The following LARGE1 variants were observed in gnomAD, a reference collection of about 807,000 sequenced individuals.
The protein encoded by LARGE1 is xylosyl- and glucuronyltransferase LARGE1.
Under a neutral mutation model 87.6 loss-of-function variants are expected in LARGE1, and 43 were observed. The observed-to-expected ratio is 0.49, with a 90% confidence interval of 0.38 to 0.63. The LOEUF (loss-of-function observed/expected upper bound fraction) is 0.63, where lower values mean the gene tolerates loss of function less well. LARGE1 is among the 30% of genes least tolerant of loss of function. The probability of loss-of-function intolerance (pLI) is 0.00; values close to 1 mark genes in which losing one functional copy is unlikely to be tolerated. For missense variants in LARGE1, 802 were observed against 1,000.2 expected (o/e 0.80, Z 2.67); for synonymous variants, 434 against 394.6 (o/e 1.10, Z -1.18).
chr22:33,224,059 C>A lies in LARGE1; in HGVS notation c.1731-57227G>T, dbSNP rs538859187. Among the ~76,000 whole-genome samples, 8 of 152,154 alleles carry A rather than the reference C, an allele frequency of 5.3e-5. No individual in the cohort carries two copies. The South Asian group carries it at 6.2e-4, about 12-fold the overall frequency. ...TTGTAATCCCAGAACTTTGGGAGGCCGAGACTGGCAGATCAGGAGATCGAG... is the reference window on the plus strand; with the variant it reads ...TTGTAATCCCAGAACTTTGGGAGGCAGAGACTGGCAGATCAGGAGATCGAG... On this transcript the variant is annotated intron_variant, in intron 11 of 11. Coordinates refer to the LARGE1 transcript ENST00000608642.
At position 33,283,224 on chromosome 22, in the gene LARGE1, T is replaced by C. The variant is rs1432410279; in HGVS notation, c.1855A>G (p.Met619Val). Residue 619 changes from methionine (M) to valine (V), a missense_variant, in exon 13 of 15, where the codon ATG becomes GTG. Around this residue, in one of 2 missense-constraint regions of LARGE1, gnomAD observed 625 missense variants for 841.9 expected, o/e 0.74. Transcript: ENST00000397394. ...CACCTGAATGTGAAGAGGGTCCCCA[T>C]GTCCAGCATTGACAGCAACTCCGCT... ...SKAELLSMLD[M>V]GTLFTFRYHV... 6.2e-7 allele frequency: 1 copy of C among 1,614,062 alleles called. No individual in the cohort carries two copies. The highest frequency in any genetic ancestry group is 8.5e-7 in the Non-Finnish European group (1 of 1,180,034).
chr22:33,345,622 C>T (rs144029450), intron 9 of LARGE1, among the ~76,000 whole-genome samples: 85 of 152,238 alleles, frequency 5.6e-4, no homozygotes, highest in African/African-American at 1.8e-3. Flanking sequence ...GTATATGTGC[C>T]GACTTGGAGT....
intron 1 of LARGE1, among the ~76,000 whole-genome samples, chr22:33,817,670 G>C (rs1780429701): frequency 6.6e-6 from 1 of 152,064 alleles, no homozygotes; most frequent in Non-Finnish European, 1.5e-5. Flanking sequence ...TGAAGTTGGG[G>C]GCAGGGAAAC....
the LARGE1 span, among the ~76,000 whole-genome samples, chr22:33,094,133 T>A: frequency 6.6e-6 from 1 of 152,156 alleles, no homozygotes; most frequent in Non-Finnish European, 1.5e-5. Context: ...GAAATCATTT[T>A]CTGAGCCCAA....
Position 33,325,589 on chromosome 22 carries a change from T to A in LARGE1, c.1288-9341A>T, listed in dbSNP as rs536429993. ...CAAGGTTCCAGCAGGTTGAGCCACATTACAGCTGCTTGTGCTACCTTGACT... is the reference window on the plus strand; with the variant it reads ...CAAGGTTCCAGCAGGTTGAGCCACAATACAGCTGCTTGTGCTACCTTGACT... On this transcript the variant is annotated intron_variant, in intron 10 of 14. Transcript: ENST00000397394. Among the ~76,000 whole-genome samples the A allele has an allele frequency of 2.0e-5, 3 of 152,324 alleles. No homozygotes were observed. The South Asian group carries it at 6.2e-4, about 32-fold the overall frequency.
chr22:33,183,608 A>G (rs1268568539), intron 11 of LARGE1, among the ~76,000 whole-genome samples: 1 of 90,126 alleles, frequency 1.1e-5, no homozygotes, highest in South Asian at 3.1e-4. Context: ...TAAAACACAC[A>G]CACACACACA....
intron 11 of LARGE1, among the ~76,000 whole-genome samples, chr22:33,243,823 A>G (rs1003096574): frequency 1.3e-5 from 2 of 152,154 alleles, no homozygotes; most frequent in Non-Finnish European, 2.9e-5. Context: ...TTTTATTCTG[A>G]AAGTAGTAAA....
At position 33,887,783 on chromosome 22, in the gene LARGE1, A is replaced by C. The variant is rs1281433435; in HGVS notation, c.-83+32212T>G. Among the ~76,000 whole-genome samples the C allele has an allele frequency of 2.6e-5, 4 of 152,260 alleles. No individual in the cohort carries two copies. The East Asian group carries it at 5.8e-4, about 22-fold the overall frequency. ...ACCCAGTTGATGGTATTTTTACTTC[A>C]GCAGTCTGAACAGACTAGGACAAGG... On this transcript the variant is annotated intron_variant, in intron 1 of 14. Transcript: ENST00000397394.
At chr22:33,652,621 C>T (rs1381794115) in intron 2 of LARGE1, among the ~76,000 whole-genome samples, 1 of 152,110 alleles carries the variant, frequency 6.6e-6, no homozygotes, top group Non-Finnish European at 1.5e-5. Context: ...GTCAAAAAAA[C>T]ATTCCTCTTT....
intron 1 of LARGE1, among the ~76,000 whole-genome samples, chr22:33,882,746 T>A (rs1401745782): frequency 6.6e-6 from 1 of 152,250 alleles, no homozygotes; most frequent in Non-Finnish European, 1.5e-5. Context: ...ACAACAGGTA[T>A]GCATCCCCTG....
intron 6 of LARGE1, among the ~76,000 whole-genome samples, chr22:33,440,153 G>C (rs2067416289): frequency 6.6e-6 from 1 of 152,134 alleles, no homozygotes; most frequent in South Asian, 2.1e-4. Context: ...AAGCTTAAGT[G>C]CTCTAGGGGC....
At chr22:33,675,196 A>G (rs1292134271) in intron 2 of LARGE1, among the ~76,000 whole-genome samples, 1 of 148,740 alleles carries the variant, frequency 6.7e-6, no homozygotes, top group African/African-American at 2.5e-5. Context: ...CAGGAGGCTA[A>G]GGCAGCAGAA....
intron 2 of LARGE1, among the ~76,000 whole-genome samples, chr22:33,759,537 T>C (rs997618322): frequency 6.6e-6 from 1 of 152,172 alleles, no homozygotes; most frequent in African/African-American, 2.4e-5. Flanking sequence ...AGTAAACATA[T>C]GTAGAAGTCC....
intron 1 of LARGE1, among the ~76,000 whole-genome samples, chr22:33,813,580 A>G (rs1263225113): frequency 6.6e-6 from 1 of 152,058 alleles, no homozygotes; most frequent in African/African-American, 2.4e-5. Context: ...TTTGGACACA[A>G]CCATTGAGGA....
chr22:33,415,920 G>A (rs992622279), intron 7 of LARGE1, among the ~76,000 whole-genome samples: 4 of 152,134 alleles, frequency 2.6e-5, no homozygotes, highest in East Asian at 3.9e-4. Flanking sequence ...CCTGGTTACC[G>A]TTCAGACCTT....
chr22:33,672,468 C>T (rs181318160), intron 2 of LARGE1, among the ~76,000 whole-genome samples: 54 of 152,288 alleles, frequency 3.5e-4, no homozygotes, highest in African/African-American at 9.9e-4. Flanking sequence ...TTTCCTGGTT[C>T]CATGCTCAGC....
At position 33,919,754 on chromosome 22, in the gene LARGE1, C is replaced by T. The variant is rs536997594; in HGVS notation, c.-83+241G>A. On this transcript the variant is annotated intron_variant, in intron 1 of 14. Transcript: ENST00000397394. ...ACCAGAAACTCCTCCTGGCTCGCTC[C>T]CTGCCAGCAGCCTGTGTGCCCAGAA... Among the ~76,000 whole-genome samples the T allele has an allele frequency of 5.9e-5, 9 of 152,348 alleles. No individual in the cohort carries two copies. The South Asian group carries it at 1.9e-3, about 32-fold the overall frequency.
intron 4 of LARGE1, among the ~76,000 whole-genome samples, chr22:33,622,521 A>T (rs976270157): frequency 2.0e-5 from 3 of 152,200 alleles, no homozygotes; most frequent in African/African-American, 4.8e-5. Flanking sequence ...GCTAAGCCAA[A>T]ATGTTATATA....
At chr22:33,072,029 G>C in the LARGE1 span, among the ~76,000 whole-genome samples, 2 of 151,864 alleles carry the variant, frequency 1.3e-5, no homozygotes, top group East Asian at 3.9e-4. Flanking sequence ...CCCAAACCCT[G>C]ATGGGAACCA....
Sources: allele counts gnomAD v4.1 joint callset (sites outside exome capture counted in the v4.1 genomes callset), GRCh38; gene constraint gnomAD v4.1.1; regional missense constraint gnomAD v4.1.1; transcripts MANE v1.5; gene names NCBI Gene and HGNC (gene_info 2026-07-23, HGNC 2026-07-21).